The following SMYD3 variants were observed in gnomAD, a reference collection of about 807,000 sequenced individuals.
The protein encoded by SMYD3 is SET and MYND domain containing 3.
A neutral mutation model predicts 57.7 loss-of-function variants in SMYD3; 36 were observed. The observed-to-expected ratio is 0.62, with a 90% CI of 0.48 to 0.82. The LOEUF (loss-of-function observed/expected upper bound fraction) is 0.82. Ranked by LOEUF, SMYD3 falls within the 40% of genes least tolerant of loss-of-function variation. The probability of loss-of-function intolerance (pLI) is 0.00; values close to 1 mark genes in which losing one functional copy is unlikely to be tolerated. For missense variants in SMYD3, 515 were observed against 538.8 expected (o/e 0.96, Z 0.44); for synonymous variants, 211 against 195.0 (o/e 1.08, Z -0.68).
At chr1:245,813,505 T>C (rs557811361) in intron 10 of SMYD3, among the ~76,000 whole-genome samples, 325 of 152,264 alleles carry the variant, frequency 2.1e-3, no homozygotes, top group African/African-American at 7.5e-3. Flanking sequence ...AAGGAAGCTA[T>C]TCTCTCACCT....
intron 10 of SMYD3, among the ~76,000 whole-genome samples, chr1:245,852,490 A>G (rs2051027330): frequency 6.6e-6 from 1 of 152,244 alleles, no homozygotes; most frequent in Non-Finnish European, 1.5e-5. Context: ...TGTTCCAAGA[A>G]AAGAAGAGCC....
intron 5 of SMYD3, among the ~76,000 whole-genome samples, chr1:246,298,182 C>T (rs546893456): frequency 2.0e-5 from 3 of 151,466 alleles, no homozygotes; most frequent in Admixed American, 6.6e-5. Flanking sequence ...AAGAAAAGAA[C>T]TTCAGAAGGG....
At chr1:246,140,799 T>C (rs1262273937) in intron 5 of SMYD3, among the ~76,000 whole-genome samples, 1 of 152,114 alleles carries the variant, frequency 6.6e-6, no homozygotes, top group Non-Finnish European at 1.5e-5. Flanking sequence ...CTCACTATGT[T>C]GCCCAGGCTG....
At chr1:246,217,790 A>G (rs1336808776) in intron 5 of SMYD3, among the ~76,000 whole-genome samples, 2 of 152,198 alleles carry the variant, frequency 1.3e-5, no homozygotes, top group Non-Finnish European at 2.9e-5. Flanking sequence ...AAAATTGGCA[A>G]CAGTTTTTAA....
rs1211909532 is a variant in SMYD3 at position 246,401,726 on chromosome 1, GC to G, written c.165-46633del. The stretch of plus-strand genomic sequence containing the variant: ...GTTCTTAAATCCCAGTAATTCAGGT[GC>G]TTTTTTTTTTTTTTGAGCCAGTTTC... On this transcript the variant is annotated intron_variant, in intron 1 of 11. Coordinates refer to ENST00000490107, the MANE Select transcript of SMYD3 (RefSeq NM_001167740.2). Among the ~76,000 whole-genome samples, 4 of 32,004 alleles carry G rather than the reference GC, an allele frequency of 1.2e-4. No individual in the cohort carries two copies. The Admixed American group carries it at 2.4e-3, about 19-fold the overall frequency. The allele number at this position is 32,004 out of a possible 152,430, so 21.0% of individuals were successfully genotyped here.
chr1:246,452,987 G>GA (rs1347387448), intron 1 of SMYD3, among the ~76,000 whole-genome samples: 5 of 151,734 alleles, frequency 3.3e-5, no homozygotes, highest in East Asian at 3.9e-4. Flanking sequence ...CAATGCAAGG[G>GA]AAAAAAAATC....
chr1:246,304,536 G>A (rs1189902732), intron 5 of SMYD3, among the ~76,000 whole-genome samples: 1 of 152,094 alleles, frequency 6.6e-6, no homozygotes, highest in East Asian at 1.9e-4. Context: ...AAAAAAAATA[G>A]AGAGGAAAAA....
At chr1:245,935,862 G>A (rs1224694485) in intron 5 of SMYD3, among the ~76,000 whole-genome samples, 1 of 152,178 alleles carries the variant, frequency 6.6e-6, no homozygotes, top group Non-Finnish European at 1.5e-5. Context: ...GTATAATGGT[G>A]GTTACCAGAG....
At chr1:246,183,442 A>G (rs948372608) in intron 5 of SMYD3, among the ~76,000 whole-genome samples, 2 of 151,872 alleles carry the variant, frequency 1.3e-5, no homozygotes, top group African/African-American at 2.4e-5. Context: ...ACAATGTCCA[A>G]GCTACATCAC....
intron 1 of SMYD3, among the ~76,000 whole-genome samples, chr1:246,495,146 G>A (rs1260729278): frequency 2.0e-5 from 3 of 151,818 alleles, no homozygotes; most frequent in African/African-American, 4.8e-5. Flanking sequence ...TCAGGAGATC[G>A]AGACCATCCT....
At chr1:246,073,507 A>G (rs1165228609) in intron 5 of SMYD3, among the ~76,000 whole-genome samples, 3 of 152,114 alleles carry the variant, frequency 2.0e-5, no homozygotes, top group Non-Finnish European at 4.4e-5. Context: ...GCTTGAGCCC[A>G]GGAGTTCAAG....
At chr1:245,899,729 G>T (rs917013338) in intron 8 of SMYD3, among the ~76,000 whole-genome samples, 4 of 152,170 alleles carry the variant, frequency 2.6e-5, no homozygotes, top group African/African-American at 9.6e-5. Flanking sequence ...TTATGAGCTT[G>T]CCATTGGAAT....
chr1:246,313,259 C>T (rs1409251549), intron 5 of SMYD3, among the ~76,000 whole-genome samples: 1 of 152,134 alleles, frequency 6.6e-6, no homozygotes, highest in East Asian at 1.9e-4. Flanking sequence ...AGAAAACCCA[C>T]AGTATAGTCA....
At chr1:246,222,555 T>C (rs10802356) in intron 5 of SMYD3, among the ~76,000 whole-genome samples, 63,802 of 151,986 alleles carry the variant, frequency 0.42, 15,088 homozygotes, top group East Asian at 0.79. Context: ...ATAAAAGTTA[T>C]CAGCAAGAGC....
At chr1:245,806,721 T>C (rs532317740) in intron 10 of SMYD3, among the ~76,000 whole-genome samples, 348 of 151,500 alleles carry the variant, frequency 2.3e-3, no homozygotes, top group African/African-American at 7.7e-3. Flanking sequence ...CCATCCTGGC[T>C]AACAAGGTGA....
chr1:245,817,298 A>T (rs1223192016), intron 10 of SMYD3, among the ~76,000 whole-genome samples: 3 of 143,132 alleles, frequency 2.1e-5, no homozygotes, highest in Non-Finnish European at 3.0e-5. Context: ...CTGACACCTC[A>T]CATGGCAGGG....
At chr1:245,795,140 C>G (rs1016587170) in intron 10 of SMYD3, among the ~76,000 whole-genome samples, 1 of 152,138 alleles carries the variant, frequency 6.6e-6, no homozygotes, top group Non-Finnish European at 1.5e-5. Flanking sequence ...TGAACAGGAT[C>G]TTAAATGCTA....
chr1:246,435,267 T>C (rs2067354211), intron 1 of SMYD3, among the ~76,000 whole-genome samples: 1 of 152,204 alleles, frequency 6.6e-6, no homozygotes, highest in Non-Finnish European at 1.5e-5. Context: ...CATTACACAA[T>C]ATACCCATGC....
intron 1 of SMYD3, among the ~76,000 whole-genome samples, chr1:246,382,944 G>A (rs910844236): frequency 4.6e-5 from 7 of 152,060 alleles, no homozygotes; most frequent in African/African-American, 9.7e-5. Flanking sequence ...CTCCAGGCTC[G>A]CACCCATGAG....
Sources: allele counts gnomAD v4.1 joint callset (sites outside exome capture counted in the v4.1 genomes callset), GRCh38; gene constraint gnomAD v4.1.1; transcripts MANE v1.5; gene names NCBI Gene and HGNC (gene_info 2026-07-23, HGNC 2026-07-21).